The following CNTN4 variants were observed in gnomAD, a reference collection of about 807,000 sequenced individuals.
CNTN4 encodes the protein contactin 4, also known as contactin-4.
In CNTN4, 77 loss-of-function variants were observed where a neutral mutation model predicts 122.5. The ratio of observed to expected loss-of-function variants is 0.63; its 90% confidence interval spans 0.52 to 0.76. CNTN4 has a LOEUF of 0.76. CNTN4 is among the 30% of genes least tolerant of loss of function. CNTN4 has a pLI of 0.00. For synonymous variants in CNTN4, 512 were observed against 447.0 expected (o/e 1.15, Z -1.83); for missense variants, 1,256 against 1,259.1 (o/e 1.00, Z 0.04).
chr3:2,635,803 G>A (rs758645058), intron 4 of CNTN4, among the ~76,000 whole-genome samples: 3 of 152,156 alleles, frequency 2.0e-5, no homozygotes, highest in South Asian at 2.1e-4. Context: ...AGAAAGTTAC[G>A]TTTGTTGAGT....
chr3:2,547,944 C>T (rs6799601), intron 3 of CNTN4, among the ~76,000 whole-genome samples: 152,219 of 152,312 alleles, frequency 1, 76,064 homozygotes, highest in Middle Eastern at 1. Context: ...TGACTGTGAA[C>T]AGACTAGGTG....
At position 2,906,679 on chromosome 3, in the gene CNTN4, A is replaced by AAT. The variant is rs367791915; in HGVS notation, c.1207+3686_1207+3687dup. Among the ~76,000 whole-genome samples, 201 of 151,304 alleles carry AAT rather than the reference A, an allele frequency of 1.3e-3. 2 individuals are homozygous for AAT. The highest frequency in any genetic ancestry group is 3.7e-3 in the African/African-American group (154 of 41,294). On this transcript the variant is annotated intron_variant, in intron 12 of 24. Coordinates refer to ENST00000418658, the MANE Select transcript of CNTN4 (RefSeq NM_175607.3). ...ATGGTGAAACCCCATATCTACTAAA[A>AAT]ATATATATATATAAATTAGCCGAGC...
intron 3 of CNTN4, among the ~76,000 whole-genome samples, chr3:2,353,607 A>G (rs974872898): frequency 7.9e-5 from 12 of 152,114 alleles, no homozygotes; most frequent in African/African-American, 2.7e-4. Flanking sequence ...TCTGGACGGG[A>G]GGAATGAACA....
At chr3:2,276,223 A>T (rs1443054916) in intron 2 of CNTN4, among the ~76,000 whole-genome samples, 1 of 151,848 alleles carries the variant, frequency 6.6e-6, no homozygotes. Flanking sequence ...CCCAGGCTGG[A>T]GTACAGTGGC....
chr3:2,949,114 A>G (rs1470483372), intron 13 of CNTN4, among the ~76,000 whole-genome samples: 1 of 152,088 alleles, frequency 6.6e-6, no homozygotes, highest in East Asian at 1.9e-4. Flanking sequence ...CCTCAGTGAC[A>G]TCTAGCTCTT....
At position 2,432,620 on chromosome 3, in the gene CNTN4, G is replaced by GTA. The variant is rs552675909; in HGVS notation, c.-89+93395_-89+93396dup. Among the ~76,000 whole-genome samples, 4 of 151,806 alleles carry GTA rather than the reference G, an allele frequency of 2.6e-5. No individual in the cohort carries two copies. The South Asian group carries it at 8.3e-4, about 32-fold the overall frequency. On this transcript the variant is annotated intron_variant, in intron 3 of 24. Coordinates refer to ENST00000418658, the MANE Select transcript of CNTN4 (RefSeq NM_175607.3). Reference sequence around the variant, plus strand: ...TGTGTGTGTGCGTGTGTGTATGTGTGTATATATATGTGTGTGTATGTATGT... The same window carrying GTA: ...TGTGTGTGTGCGTGTGTGTATGTGTGTATATATATATGTGTGTGTATGTATGT...
At chr3:2,272,858 A>G in intron 2 of CNTN4, among the ~76,000 whole-genome samples, 1 of 151,728 alleles carries the variant, frequency 6.6e-6, no homozygotes. Flanking sequence ...TGAGGTGGTG[A>G]TTGGACTCTC....
intron 9 of CNTN4, among the ~76,000 whole-genome samples, chr3:2,883,923 G>A (rs887323508): frequency 2.6e-5 from 4 of 152,108 alleles, no homozygotes; most frequent in East Asian, 3.9e-4. Context: ...CCAGTAACCA[G>A]CAATAAAGAT....
chr3:2,976,285 G>C lies in CNTN4; in HGVS notation c.1359-12060G>C, dbSNP rs559173271. 2.0e-5 allele frequency among the ~76,000 whole-genome samples: 3 copies of C among 152,252 alleles called. No individual in the cohort carries two copies. In the South Asian group the frequency reaches 6.2e-4, roughly 32 times the overall value. On this transcript the variant is annotated intron_variant, in intron 13 of 24. Coordinates refer to ENST00000418658, the MANE Select transcript of CNTN4 (RefSeq NM_175607.3). ...AGGGCTTTCAAACTGTTGTTCAGAG[G>C]AAGTTAAACCTGAATCAAACCAGGT...
intron 10 of CNTN4, chr3:2,892,279 C>G (rs1035473523): frequency 6.6e-6 from 1 of 152,158 alleles, no homozygotes; most frequent in African/African-American, 2.4e-5. Context: ...AGGGTAGAAC[C>G]AAGCATTTGC....
intron 13 of CNTN4, among the ~76,000 whole-genome samples, chr3:2,953,768 C>T (rs2094770856): frequency 6.6e-6 from 1 of 152,158 alleles, no homozygotes; most frequent in Admixed American, 6.5e-5. Flanking sequence ...GAGAGGAAAG[C>T]AGTGAAGCTT....
intron 3 of CNTN4, among the ~76,000 whole-genome samples, chr3:2,370,871 A>T (rs887542132): frequency 6.6e-6 from 1 of 152,208 alleles, no homozygotes; most frequent in Non-Finnish European, 1.5e-5. Flanking sequence ...AAGATTAGGC[A>T]TGCAGTTTTT....
In CNTN4 at chr3:2,914,863, CTA is replaced by C. The variant is rs1293803031; in HGVS notation, c.1208-10765_1208-10764del. On this transcript the variant is annotated intron_variant, in intron 12 of 24. Coordinates refer to ENST00000418658, the MANE Select transcript of CNTN4 (RefSeq NM_175607.3). The stretch of plus-strand genomic sequence containing the variant: ...GACCATAACCCTGATGAACATTGAT[CTA>C]GAAATTGTCAACAAAATACTAGCAT... 2.6e-5 allele frequency among the ~76,000 whole-genome samples: 4 copies of C among 152,164 alleles called. No individual in the cohort carries two copies. In the East Asian group the frequency reaches 5.8e-4, roughly 22 times the overall value.
At chr3:2,449,703 T>C (rs1228283600) in intron 3 of CNTN4, among the ~76,000 whole-genome samples, 1 of 152,120 alleles carries the variant, frequency 6.6e-6, no homozygotes. Flanking sequence ...GTGGTATTGC[T>C]GGATCAAATG....
chr3:2,813,336 T>C (rs1437300369), intron 6 of CNTN4, among the ~76,000 whole-genome samples: 1 of 152,220 alleles, frequency 6.6e-6, no homozygotes, highest in Non-Finnish European at 1.5e-5. Context: ...GAACTGGTGC[T>C]GACAATTTCT....
chr3:2,770,629 A>C (rs962676750), intron 6 of CNTN4, among the ~76,000 whole-genome samples: 2 of 152,260 alleles, frequency 1.3e-5, no homozygotes, highest in African/African-American at 4.8e-5. Flanking sequence ...GTAAGGATTA[A>C]GGAAAGTAAA....
intron 10 of CNTN4, among the ~76,000 whole-genome samples, chr3:2,889,317 C>T (rs2094012290): frequency 1.3e-5 from 2 of 152,158 alleles, no homozygotes; most frequent in African/African-American, 2.4e-5. Context: ...AATACATCTG[C>T]ACTTCTCTTT....
rs2048121469 is a variant in CNTN4, at chr3:2,432,702, C to A, written c.-89+93469C>A. Among the ~76,000 whole-genome samples, 5 of 151,462 alleles carry A rather than the reference C, an allele frequency of 3.3e-5. No individual in the cohort carries two copies. In the South Asian group the frequency reaches 1.0e-3, roughly 32 times the overall value. On this transcript the variant is annotated intron_variant, in intron 3 of 24. Transcript: ENST00000418658. ...TGTATGTATATATATACCACATTTT[C>A]TTTATCCATTTATGTGATAATGGAC...
chr3:2,744,034 C>G (rs1434836118), intron 5 of CNTN4, among the ~76,000 whole-genome samples: 1 of 152,198 alleles, frequency 6.6e-6, no homozygotes, highest in Non-Finnish European at 1.5e-5. Flanking sequence ...AAGCTATTCT[C>G]AAATTCCTGG....
Sources: allele counts gnomAD v4.1 joint callset (sites outside exome capture counted in the v4.1 genomes callset), GRCh38; gene constraint gnomAD v4.1.1; transcripts MANE v1.5; gene names NCBI Gene and HGNC (gene_info 2026-07-23, HGNC 2026-07-21).